PLXNA2: variants seen among roughly 807,000 people sequenced by gnomAD.
The protein encoded by PLXNA2 is plexin A2, also known as plexin-A2.
Under a neutral mutation model 193.5 loss-of-function variants are expected in PLXNA2, and 91 were observed. The ratio of observed to expected loss-of-function variants is 0.47; its 90% CI spans 0.40 to 0.56. PLXNA2 has a LOEUF of 0.56. PLXNA2 is among the 20% of genes least tolerant of loss of function. The probability of loss-of-function intolerance (pLI) is 0.00; values close to 1 mark genes in which losing one functional copy is unlikely to be tolerated. For synonymous variants in PLXNA2, 997 were observed against 1,027.3 expected (o/e 0.97, Z 0.56); for missense variants, 1,995 against 2,503.2 (o/e 0.80, Z 4.33).
chr1:208,096,486 T>C (rs2274443), intron 7 of PLXNA2, among the ~76,000 whole-genome samples: 64,419 of 152,086 alleles, frequency 0.42, 13,884 homozygotes, highest in African/African-American at 0.45. Flanking sequence ...ACTCCATTCC[T>C]AGGAGGGACG....
intron 26 of PLXNA2, among the ~76,000 whole-genome samples, chr1:208,037,682 G>A (rs918320902): frequency 5.9e-5 from 9 of 152,162 alleles, no homozygotes; most frequent in Admixed American, 2.0e-4. Flanking sequence ...GAGGGGAGAA[G>A]AGGCGGGAGT....
chr1:208,215,901 G>A (rs1399431107), intron 2 of PLXNA2, among the ~76,000 whole-genome samples: 1 of 152,130 alleles, frequency 6.6e-6, no homozygotes, highest in Non-Finnish European at 1.5e-5. Context: ...TCTGGATTCT[G>A]AGCTTTTCAT....
At chr1:208,185,193 T>C (rs1172169833) in intron 3 of PLXNA2, among the ~76,000 whole-genome samples, 1 of 152,206 alleles carries the variant, frequency 6.6e-6, no homozygotes, top group Non-Finnish European at 1.5e-5. Context: ...GGAAAACTCC[T>C]GGCTTGGCCT....
At chr1:208,100,368 A>AAGG (rs1047867839) in intron 5 of PLXNA2, among the ~76,000 whole-genome samples, 1 of 152,140 alleles carries the variant, frequency 6.6e-6, no homozygotes, top group African/African-American at 2.4e-5. Context: ...AGAAAAAAAA[A>AAGG]AGGAGGAGGA....
chr1:208,070,199 G>T lies in PLXNA2; in HGVS notation c.2586+9061C>A, dbSNP rs1665936576. Reference sequence around the variant, plus strand: ...CTTTCCCTTTCTTCCCATCTCTGCAGCAGGCTTAAGATGTACAGATCAAGA... The same window carrying T: ...CTTTCCCTTTCTTCCCATCTCTGCATCAGGCTTAAGATGTACAGATCAAGA... On this transcript the variant is annotated intron_variant, in intron 12 of 31. Transcript: ENST00000367033. Among the ~76,000 whole-genome samples, 2 of 152,248 alleles carry T rather than the reference G, an allele frequency of 1.3e-5. 1 individual carries two copies. Among genetic ancestry groups the T allele is most frequent in the South Asian group, 4.1e-4 (2 of 4,836 alleles).
intron 8 of PLXNA2, among the ~76,000 whole-genome samples, chr1:208,095,623 C>A (rs944071014): frequency 3.2e-4 from 49 of 152,274 alleles, no homozygotes; most frequent in African/African-American, 1.1e-3. Context: ...ATAGCCGAGT[C>A]GCTATCTCGG....
chr1:208,120,742 A>G (rs566008372), intron 4 of PLXNA2, among the ~76,000 whole-genome samples: 1 of 152,308 alleles, frequency 6.6e-6, no homozygotes, highest in African/African-American at 2.4e-5. Context: ...GGTCTCCCAG[A>G]GTTCTGGCCT....
chr1:208,051,475 G>T, intron 15 of PLXNA2, 52 bp from the exon 16 acceptor site: 2 of 1,496,618 alleles, frequency 1.3e-6, no homozygotes, highest in Non-Finnish European at 1.8e-6. Context: ...GCAACAAGAG[G>T]TGCCCACTGG....
intron 3 of PLXNA2, among the ~76,000 whole-genome samples, chr1:208,147,946 T>C (rs1318333562): frequency 6.6e-6 from 1 of 152,152 alleles, no homozygotes; most frequent in Non-Finnish European, 1.5e-5. Flanking sequence ...AAAACTCAGT[T>C]TATCAGGGCT....
intron 5 of PLXNA2, among the ~76,000 whole-genome samples, chr1:208,099,716 G>C (rs1017851231): frequency 6.6e-6 from 1 of 151,970 alleles, no homozygotes; most frequent in Non-Finnish European, 1.5e-5. Context: ...GATTACAGGC[G>C]CCCACCACCG....
At chr1:208,067,535 A>G (rs2102361478) in intron 12 of PLXNA2, among the ~76,000 whole-genome samples, 1 of 152,298 alleles carries the variant, frequency 6.6e-6, no homozygotes, top group Middle Eastern at 3.4e-3. Context: ...CAGTCCTGCA[A>G]GCTCCATTCA....
chr1:208,052,726 A>G (rs1157967889), intron 14 of PLXNA2, among the ~76,000 whole-genome samples: 2 of 152,074 alleles, frequency 1.3e-5, no homozygotes, highest in Non-Finnish European at 2.9e-5. Context: ...CATAACAATG[A>G]AGGGAAAGCA....
intron 13 of PLXNA2, among the ~76,000 whole-genome samples, chr1:208,056,403 G>C (rs1329831951): frequency 6.6e-6 from 1 of 152,238 alleles, no homozygotes; most frequent in African/African-American, 2.4e-5. Context: ...ATCATCACAG[G>C]CTTGAAGTTA....
chr1:208,241,145 A>C (rs1194684625), intron 1 of PLXNA2, among the ~76,000 whole-genome samples: 1 of 152,186 alleles, frequency 6.6e-6, no homozygotes, highest in Admixed American at 6.5e-5. Context: ...CCCATGAAAT[A>C]AAGATTAGCT....
chr1:208,187,420 A>C (rs1670043537), intron 3 of PLXNA2, among the ~76,000 whole-genome samples: 2 of 152,138 alleles, frequency 1.3e-5, no homozygotes, highest in South Asian at 4.1e-4. Context: ...GACCGTAGGG[A>C]GGCTGGATTT....
intron 12 of PLXNA2, 113 bp from the exon 13 acceptor site, chr1:208,060,950 TCCACC>T: frequency 1.2e-6 from 1 of 862,094 alleles, no homozygotes; most frequent in Non-Finnish European, 1.8e-6. Flanking sequence ...CTTAAATTCC[TCCACC>T]AGGAATTCTG....
chr1:208,241,017 C>G (rs536836409), intron 1 of PLXNA2, among the ~76,000 whole-genome samples: 9 of 152,290 alleles, frequency 5.9e-5, no homozygotes, highest in African/African-American at 1.7e-4. Flanking sequence ...ACAACTCCAG[C>G]ACCATAAATA....
chr1:208,222,321 A>G (rs555593655), intron 1 of PLXNA2, among the ~76,000 whole-genome samples: 58 of 152,286 alleles, frequency 3.8e-4, no homozygotes, highest in African/African-American at 1.4e-3. Flanking sequence ...CATTCTCAAG[A>G]GCCAAAACTT....
chr1:208,204,107 T>C (rs974492339), intron 3 of PLXNA2, among the ~76,000 whole-genome samples: 6 of 152,144 alleles, frequency 3.9e-5, no homozygotes, highest in Non-Finnish European at 5.9e-5. Context: ...GAAAGAATTT[T>C]CCTTTAAGAA....
Sources: allele counts gnomAD v4.1 joint callset (sites outside exome capture counted in the v4.1 genomes callset), GRCh38; gene constraint gnomAD v4.1.1; transcripts MANE v1.5; gene names NCBI Gene and HGNC (gene_info 2026-07-23, HGNC 2026-07-21).